The following MAP4K3 variants were observed in gnomAD, a reference collection of about 807,000 sequenced individuals.
MAP4K3 encodes MAPK/ERK kinase kinase kinase 3.
A neutral mutation model predicts 143.5 loss-of-function variants in MAP4K3; 94 were observed. That is an observed-to-expected ratio of 0.65 (90% CI 0.55 to 0.78). The LOEUF (loss-of-function observed/expected upper bound fraction) is 0.78. MAP4K3 is among the 30% of genes least tolerant of loss of function. The pLI is 0.00. For synonymous variants in MAP4K3, 416 were observed against 347.2 expected, an observed-to-expected ratio of 1.20 and a Z score of -2.20; for missense variants, 1,077 against 1,068.1, an observed-to-expected ratio of 1.01 and a Z score of -0.12.
At chr2:39,411,815 G>A (rs1215368437) in intron 1 of MAP4K3, among the ~76,000 whole-genome samples, 1 of 152,190 alleles carries the variant, frequency 6.6e-6, no homozygotes, top group East Asian at 1.9e-4. Flanking sequence ...ATGGCTTGAG[G>A]TTCGAAGGGT....
chr2:39,396,839 C>G (rs900529828), intron 1 of MAP4K3, among the ~76,000 whole-genome samples: 2 of 152,140 alleles, frequency 1.3e-5, no homozygotes, highest in Non-Finnish European at 2.9e-5. Context: ...CCAGAAACAG[C>G]ATCTCTCTTC....
intron 1 of MAP4K3, among the ~76,000 whole-genome samples, chr2:39,429,766 T>C (rs1382018445): frequency 6.6e-6 from 1 of 152,202 alleles, no homozygotes; most frequent in Admixed American, 6.5e-5. Context: ...AAAACCATTT[T>C]GAAAAGGTAG....
intron 1 of MAP4K3, among the ~76,000 whole-genome samples, chr2:39,421,168 T>A (rs1667535325): frequency 6.6e-6 from 1 of 152,180 alleles, no homozygotes; most frequent in African/African-American, 2.4e-5. Flanking sequence ...CTTCGGTTCA[T>A]CAAACACCTC....
At chr2:39,429,715 T>A (rs1033780839) in intron 1 of MAP4K3, among the ~76,000 whole-genome samples, 1 of 152,192 alleles carries the variant, frequency 6.6e-6, no homozygotes, top group Non-Finnish European at 1.5e-5. Flanking sequence ...GAAAAGCTGA[T>A]TCAAAAATTT....
At chr2:39,332,899 A>G (rs909467293) in intron 7 of MAP4K3, among the ~76,000 whole-genome samples, 7 of 152,092 alleles carry the variant, frequency 4.6e-5, no homozygotes, top group African/African-American at 1.7e-4. Context: ...TAATAGATAT[A>G]GTTTAAAATA....
chr2:39,283,650 G>A (rs1681636702), intron 21 of MAP4K3: 1 of 152,110 alleles, frequency 6.6e-6, no homozygotes, highest in Non-Finnish European at 1.5e-5. Context: ...ATTAATCATT[G>A]GTTAGAGTAT....
intron 2 of MAP4K3, 142 bp downstream of exon 2, chr2:39,377,924 G>C (rs1037144615): frequency 1.3e-5 from 8 of 623,606 alleles, no homozygotes; most frequent in Non-Finnish European, 2.0e-5. Flanking sequence ...TTGAAGAAGT[G>C]GAGGAAAGGG....
intron 15 of MAP4K3, among the ~76,000 whole-genome samples, chr2:39,305,425 G>A (rs1317573749): frequency 1.3e-5 from 2 of 152,076 alleles, no homozygotes; most frequent in African/African-American, 2.4e-5. Flanking sequence ...AAAGACTAAC[G>A]AATTTCAGCT....
chr2:39,382,311 T>C (rs372160679), intron 1 of MAP4K3, among the ~76,000 whole-genome samples: 3 of 152,316 alleles, frequency 2.0e-5, no homozygotes, highest in African/African-American at 7.2e-5. Flanking sequence ...CAGTAAAACA[T>C]CTGACCATCA....
At chr2:39,252,771 T>G (rs938933329) in intron 32 of MAP4K3, among the ~76,000 whole-genome samples, 2 of 152,212 alleles carry the variant, frequency 1.3e-5, no homozygotes, top group African/African-American at 4.8e-5. Flanking sequence ...CACTAATGAC[T>G]CTTAGCTTCT....
intron 1 of MAP4K3, among the ~76,000 whole-genome samples, chr2:39,388,880 G>A (rs1666579166): frequency 6.6e-6 from 1 of 151,890 alleles, no homozygotes; most frequent in African/African-American, 2.4e-5. Flanking sequence ...CCATACTCCA[G>A]GAAATTACCA....
At chr2:39,310,635 T>C (rs539888849) in intron 13 of MAP4K3, among the ~76,000 whole-genome samples, 1 of 152,348 alleles carries the variant, frequency 6.6e-6, no homozygotes, top group Non-Finnish European at 1.5e-5. Context: ...ATGGTAGTTC[T>C]ATTTTTAGTT....
chr2:39,284,231 G>A (rs551615549), intron 21 of MAP4K3, among the ~76,000 whole-genome samples: 4 of 151,824 alleles, frequency 2.6e-5, no homozygotes, highest in South Asian at 2.1e-4. Flanking sequence ...GCACGATATC[G>A]GGTCACTGCA....
rs1680747625 is a variant in MAP4K3, at chr2:39,266,004, A to G, written c.2033-698T>C. 3.3e-5 allele frequency among the ~76,000 whole-genome samples: 5 copies of G among 152,334 alleles called. 1 individual carries two copies. In the South Asian group the frequency reaches 8.3e-4, roughly 25 times the overall value. The stretch of plus-strand genomic sequence containing the variant: ...AGTAAAGTTCACACACTTCAAATAG[A>G]TTTGAAATATTTAAATGGCAGAGGA... On this transcript the variant is annotated intron_variant, in intron 27 of 33. Coordinates refer to ENST00000263881, the MANE Select transcript of MAP4K3 (RefSeq NM_003618.4).
chr2:39,315,923 T>G (rs577838393), intron 12 of MAP4K3, among the ~76,000 whole-genome samples: 4 of 152,192 alleles, frequency 2.6e-5, no homozygotes, highest in Admixed American at 6.5e-5. Context: ...TTATAGATGA[T>G]GTAGGATATT....
intron 1 of MAP4K3, among the ~76,000 whole-genome samples, chr2:39,417,421 G>C (rs918535825): frequency 1.3e-5 from 2 of 151,944 alleles, no homozygotes; most frequent in Non-Finnish European, 2.9e-5. Flanking sequence ...TGGTTTCACC[G>C]TGTTAGCCAG....
At chr2:39,324,802 T>C (rs1029422330) in intron 12 of MAP4K3, among the ~76,000 whole-genome samples, 3 of 152,196 alleles carry the variant, frequency 2.0e-5, no homozygotes, top group Non-Finnish European at 4.4e-5. Flanking sequence ...ATGTTACATA[T>C]GCAAACAGAA....
At chr2:39,435,753 A>G (rs1665444902) in intron 1 of MAP4K3, among the ~76,000 whole-genome samples, 2 of 152,236 alleles carry the variant, frequency 1.3e-5, no homozygotes, top group African/African-American at 2.4e-5. Flanking sequence ...TATCTCATAC[A>G]TTGTAGGTGG....
In MAP4K3 at chr2:39,249,628, A is replaced by G. The variant is rs1318188541; in HGVS notation, c.*990T>C. ...AAAGAAATATGAAAAGGATCATAAA[A>G]TAAGGCCAACAAAAGTAAAAATTCC... On this transcript the variant is annotated 3_prime_UTR_variant, in exon 34 of 34. Transcript: ENST00000263881. 6.6e-6 allele frequency: 1 copy of G among 152,654 alleles called. No homozygotes were observed. The highest frequency in any genetic ancestry group is 1.9e-4 in the East Asian group (1 of 5,204). 9.5% of individuals were successfully genotyped at this position (152,654 alleles called of 1,614,324 possible). A position where few individuals can be genotyped will look rare whatever the true frequency, so the allele number is the denominator to read the frequency against.
Sources: gnomAD v4.1 joint callset for allele counts (sites outside exome capture counted in the v4.1 genomes callset) on GRCh38, gnomAD v4.1.1 for gene constraint, MANE v1.5 for transcripts, NCBI Gene and HGNC (gene_info 2026-07-23, HGNC 2026-07-21) for gene names.